The following WSB1 variants were observed in gnomAD, a reference collection of about 807,000 sequenced individuals.
WSB1 encodes the protein WD repeat and SOCS box containing 1.
WSB1 carries 23 observed loss-of-function variants against 50.2 expected under a neutral mutation model. The ratio of observed to expected loss-of-function variants is 0.46; its 90% CI spans 0.33 to 0.65. The LOEUF is 0.65. Ranked by LOEUF, WSB1 falls within the 30% of genes least tolerant of loss-of-function variation. WSB1 has a pLI of 0.02. For missense variants in WSB1, 492 were observed against 522.3 expected (o/e 0.94, Z 0.56); for synonymous variants, 179 against 172.0 (o/e 1.04, Z -0.32).
At position 27,294,296 on chromosome 17, in the gene WSB1, C is replaced by T. The variant is rs1349065649; in HGVS notation, c.-100C>T. On this transcript the variant is annotated 5_prime_UTR_variant, in exon 1 of 9. Coordinates refer to ENST00000262394, the MANE Select transcript of WSB1 (RefSeq NM_015626.10). ...CGCCCGTCTCCTCTGTCCCTGGGCCCGGGAGGGACCAACTTGGCGTCACGC... is the reference window on the plus strand; with the variant it reads ...CGCCCGTCTCCTCTGTCCCTGGGCCTGGGAGGGACCAACTTGGCGTCACGC... The T allele has an allele frequency of 1.3e-6, 2 of 1,527,284 alleles. No individual in the cohort carries two copies. Among genetic ancestry groups the T allele is most frequent in the Non-Finnish European group, 1.8e-6 (2 of 1,119,790 alleles). 94.6% of individuals were successfully genotyped at this position (1,527,284 alleles called of 1,614,324 possible).
Position 27,306,773 on chromosome 17 carries a change from T to C in WSB1, c.611-9T>C. The C allele has an allele frequency of 1.2e-6, 2 of 1,613,828 alleles. No homozygotes were observed. The highest frequency in any genetic ancestry group is 8.5e-7 in the Non-Finnish European group (1 of 1,179,840). Reference sequence around the variant, plus strand: ...CTAGGGTTAATACAGATTATTTCTTTTTGTTCAGGAAACATGATGAAAGTA... The same window carrying C: ...CTAGGGTTAATACAGATTATTTCTTCTTGTTCAGGAAACATGATGAAAGTA... On this transcript the variant is annotated splice_polypyrimidine_tract_variant and intron_variant, in intron 4 of 8. Transcript: ENST00000262394.
chr17:27,296,542 C>A (rs2016989369), intron 1 of WSB1, among the ~76,000 whole-genome samples: 1 of 152,136 alleles, frequency 6.6e-6, no homozygotes, highest in Non-Finnish European at 1.5e-5. Context: ...GCAAGATTTC[C>A]ATGAATGATT....
chr17:27,304,961 T>G, intron 4 of WSB1, 50 bp downstream of exon 4: 2 of 1,605,652 alleles, frequency 1.2e-6, no homozygotes, highest in Non-Finnish European at 1.7e-6. Context: ...TTGATACTAC[T>G]ATGGAGAGGT....
chr17:27,301,861 G>T lies in WSB1; in HGVS notation c.114G>T (p.Trp38Cys). The T allele has an allele frequency of 1.2e-6, 2 of 1,614,028 alleles. No homozygotes were observed. Among genetic ancestry groups the T allele is most frequent in the East Asian group, 2.2e-5 (1 of 44,870 alleles). Reference sequence around the variant, plus strand: ...ACAAGAAATGTGGTCGTGAAAATTGGACTGTTGCTTTTGCTCCAGATGGTT... The same window carrying T: ...ACAAGAAATGTGGTCGTGAAAATTGTACTGTTGCTTTTGCTCCAGATGGTT... ...PFDKKCGREN[W>C]TVAFAPDGSY... Residue 38 changes from tryptophan to cysteine, a missense_variant, in exon 2 of 9, where the codon TGG becomes TGT. Coordinates refer to ENST00000262394, the MANE Select transcript of WSB1 (RefSeq NM_015626.10).
In WSB1 at chr17:27,304,910, T is replaced by TGG; in HGVS notation, c.610_610+1dup. ...TCAGAGTATGGGACCTGAAAGATGA[T>TGG]GGTATGTCTTTTTTCCAAGCTATGA... On this transcript the variant is annotated frameshift_variant and splice_region_variant, in exon 4 of 9. Coordinates refer to ENST00000262394, the MANE Select transcript of WSB1 (RefSeq NM_015626.10). LOFTEE classifies it high-confidence loss of function. The TGG allele has an allele frequency of 6.2e-7, 1 of 1,613,794 alleles. No homozygotes were observed. The highest frequency in any genetic ancestry group is 8.5e-7 in the Non-Finnish European group (1 of 1,179,818).
Position 27,310,107 on chromosome 17 carries a change from G to T in WSB1, c.931G>T (p.Asp311Tyr). Residue 311 changes from aspartate to tyrosine, a missense_variant, in exon 7 of 9, where the codon GAC becomes TAC. Asp to Tyr is a radical substitution (Grantham distance 160). Coordinates refer to ENST00000262394, the MANE Select transcript of WSB1 (RefSeq NM_015626.10). ...TCCAATATTTGCTGGAGGAGCAAATGACCGGTGGGTACGATCTGTATCTTT... is the reference window on the plus strand; with the variant it reads ...TCCAATATTTGCTGGAGGAGCAAATTACCGGTGGGTACGATCTGTATCTTT... ...PTPIFAGGAN[D>Y]RWVRSVSFSH... is the part of the protein sequence containing the mutation. 2 of 1,614,084 alleles carry T rather than the reference G, an allele frequency of 1.2e-6. No individual in the cohort carries two copies. Among genetic ancestry groups the T allele is most frequent in the South Asian group, 2.2e-5 (2 of 91,032 alleles).
intron 6 of WSB1, among the ~76,000 whole-genome samples, chr17:27,309,840 C>T (rs894005273): frequency 6.6e-6 from 1 of 152,168 alleles, no homozygotes; most frequent in African/African-American, 2.4e-5. Context: ...CTTAACCTCC[C>T]AAAGTGCTGG....
intron 4 of WSB1, among the ~76,000 whole-genome samples, chr17:27,305,511 C>T (rs2017412731): frequency 6.6e-6 from 1 of 152,230 alleles, no homozygotes; most frequent in Non-Finnish European, 1.5e-5. Flanking sequence ...TTGAGATGAG[C>T]ATCTCTTCCC....
At chr17:27,311,103 C>A (rs558518519) in intron 7 of WSB1, among the ~76,000 whole-genome samples, 6 of 152,146 alleles carry the variant, frequency 3.9e-5, no homozygotes, top group Admixed American at 3.9e-4. Context: ...CCACCCACCT[C>A]GGCCTCCCAA....
chr17:27,308,732 A>G (rs533300534), intron 5 of WSB1: 2 of 986,444 alleles, frequency 2.0e-6, no homozygotes, highest in South Asian at 4.7e-5. Context: ...TAGTTTCTGG[A>G]AAAAAAAGAG....
At chr17:27,301,641 A>AC (rs35419258) in intron 1 of WSB1, 147 bp from the exon 2 acceptor site, 10 of 678,030 alleles carry the variant, frequency 1.5e-5, no homozygotes, top group Admixed American at 6.5e-5. Flanking sequence ...TATACTGCAT[A>AC]CCCCCCGTTA....
At chr17:27,297,617 C>T (rs1424596335) in intron 1 of WSB1, among the ~76,000 whole-genome samples, 1 of 152,046 alleles carries the variant, frequency 6.6e-6, no homozygotes, top group East Asian at 1.9e-4. Context: ...CCACCACACT[C>T]GCTAATTTTT....
chr17:27,310,172 T>A lies in WSB1; in HGVS notation c.996T>A (p.Asp332Glu), dbSNP rs2017620506. Residue 332 changes from aspartate to glutamate, a missense_variant and splice_region_variant, in exon 7 of 9, where the codon GAT becomes GAA. Asp to Glu is a conservative substitution (Grantham distance 45). Transcript: ENST00000262394. Reference sequence around the variant, plus strand: ...TGCATGTTGCAAGCCTTGCTGATGATAAGTAAGTATGTGCATTATAGCTTG... The same window carrying A: ...TGCATGTTGCAAGCCTTGCTGATGAAAAGTAAGTATGTGCATTATAGCTTG... The part of the protein sequence containing the change: ...DGLHVASLAD[D>E]KMVRFWRIDE... 6.2e-7 allele frequency: 1 copy of A among 1,613,272 alleles called. No individual in the cohort carries two copies. Among genetic ancestry groups the A allele is most frequent in the South Asian group, 1.1e-5 (1 of 91,070 alleles).
At chr17:27,300,643 T>G (rs561169613) in intron 1 of WSB1, among the ~76,000 whole-genome samples, 1 of 152,020 alleles carries the variant, frequency 6.6e-6, no homozygotes, top group Non-Finnish European at 1.5e-5. Context: ...TTAGGAAGAC[T>G]CTTAAGGACC....
rs1040557608 is a variant in WSB1 at position 27,312,680 on chromosome 17, G to C, written c.*311G>C. 4.3e-6 allele frequency: 1 copy of C among 230,430 alleles called. No homozygotes were observed. The highest frequency in any genetic ancestry group is 2.3e-5 in the African/African-American group (1 of 42,902). The allele number at this position is 230,430 out of a possible 1,614,324, so 14.3% of individuals were successfully genotyped here. A position where few individuals can be genotyped will look rare whatever the true frequency, so the allele number is the denominator to read the frequency against. On this transcript the variant is annotated 3_prime_UTR_variant, in exon 9 of 9. Coordinates refer to ENST00000262394, the MANE Select transcript of WSB1 (RefSeq NM_015626.10). ...CTTTTCTGATTTTTAGTTCTGACATGTATATATTGCTTCAGTAGAGCCACA... is the reference window on the plus strand; with the variant it reads ...CTTTTCTGATTTTTAGTTCTGACATCTATATATTGCTTCAGTAGAGCCACA...
In WSB1 at chr17:27,310,190, A is replaced by G; in HGVS notation, c.998+16A>G. On this transcript the variant is annotated intron_variant, in intron 7 of 8. Coordinates refer to ENST00000262394, the MANE Select transcript of WSB1 (RefSeq NM_015626.10). ...CTGATGATAAGTAAGTATGTGCATT[A>G]TAGCTTGACTGACTTACTATTACCT... The G allele has an allele frequency of 5.0e-6, 8 of 1,607,430 alleles. No individual in the cohort carries two copies. The highest frequency in any genetic ancestry group is 6.8e-6 in the Non-Finnish European group (8 of 1,174,150).
rs2017383274 is a variant in WSB1, at chr17:27,304,852, T to G, written c.551T>G (p.Leu184Trp). The change falls in exon 4 of 9, where the codon TTG becomes TGG. Residue 184 changes from leucine (L) to tryptophan (W), a missense_variant. By Grantham distance (61) the Leu-to-Trp change is moderately conservative. Coordinates refer to ENST00000262394, the MANE Select transcript of WSB1 (RefSeq NM_015626.10). The stretch of plus-strand genomic sequence containing the variant: ...TTAACTTTTGCTCCAGATGGAAGCT[T>G]GATCCTGGTGTCAGCTTCAAGAGAC... ...RDLTFAPDGSLILVSASRDKT... is the reference protein window; with the variant it reads ...RDLTFAPDGSWILVSASRDKT... 8 of 1,614,130 alleles carry G rather than the reference T, an allele frequency of 5.0e-6. No homozygotes were observed. The highest frequency in any genetic ancestry group is 6.8e-6 in the Non-Finnish European group (8 of 1,180,004).
intron 4 of WSB1, among the ~76,000 whole-genome samples, chr17:27,306,538 G>C (rs2017467003): frequency 6.6e-6 from 1 of 152,262 alleles, no homozygotes; most frequent in Middle Eastern, 3.4e-3. Context: ...TGAAGGGCTA[G>C]ATGTTGAATA....
At position 27,315,221 on chromosome 17, in the gene WSB1, C is replaced by CA. The variant is rs2150848469; in HGVS notation, c.*2853dup. On this transcript the variant is annotated 3_prime_UTR_variant, in exon 9 of 9. Coordinates refer to ENST00000262394, the MANE Select transcript of WSB1 (RefSeq NM_015626.10). Reference sequence around the variant, plus strand: ...TTCTAGCTACATGATTTGAAAATGACACTGCCTCTCCTATTTTGCCACAAG... The same window carrying CA: ...TTCTAGCTACATGATTTGAAAATGACAACTGCCTCTCCTATTTTGCCACAAG... 6.6e-6 allele frequency: 1 copy of CA among 152,308 alleles called. No individual in the cohort carries two copies. Among genetic ancestry groups the CA allele is most frequent in the South Asian group, 2.1e-4 (1 of 4,832 alleles). The allele number at this position is 152,308 out of a possible 1,614,324, so 9.4% of individuals were successfully genotyped here.
Sources: gnomAD v4.1 joint callset for allele counts (sites outside exome capture counted in the v4.1 genomes callset) on GRCh38, gnomAD v4.1.1 for gene constraint, MANE v1.5 for transcripts, NCBI Gene and HGNC (gene_info 2026-07-23, HGNC 2026-07-21) for gene names.